Variants in CDC27 observed in about 807,000 individuals in gnomAD.
The protein encoded by CDC27 is cell division cycle protein 27 homolog.
A neutral mutation model predicts 109.7 loss-of-function variants in CDC27; 27 were observed. The ratio of observed to expected loss-of-function variants is 0.25; its 90% CI spans 0.18 to 0.34. The LOEUF (loss-of-function observed/expected upper bound fraction) is 0.34, where lower values mean the gene tolerates loss of function less well. CDC27 is among the 10% of genes least tolerant of loss of function. CDC27 has a pLI of 1.00. For synonymous variants in CDC27, 266 were observed against 333.9 expected (o/e 0.80, Z 2.22); for missense variants, 579 against 960.2 (o/e 0.60, Z 5.25).
chr17:47,163,929 G>A (rs1312815808), intron 4 of CDC27, among the ~76,000 whole-genome samples: 1 of 152,054 alleles, frequency 6.6e-6, no homozygotes, highest in African/African-American at 2.4e-5. Context: ...ACGCCCAGCT[G>A]ATTTTTGTAT....
rs1004450551 is a variant in CDC27 at position 47,172,698 on chromosome 17, T to C, written c.104-634A>G. 5.3e-5 allele frequency among the ~76,000 whole-genome samples: 8 copies of C among 152,284 alleles called. No homozygotes were observed. In the South Asian group the frequency reaches 8.3e-4, roughly 16 times the overall value. On this transcript the variant is annotated intron_variant, in intron 2 of 18. Transcript: ENST00000066544. ...AGTTATCTATCAATCTGTCCCTCCT[T>C]TTTACATTAGGAAATGCCCCCTGCC...
At chr17:47,144,278 A>G (rs1245808074) in intron 9 of CDC27, among the ~76,000 whole-genome samples, 2 of 152,192 alleles carry the variant, frequency 1.3e-5, no homozygotes, top group Admixed American at 1.3e-4. Flanking sequence ...AAATAAAAAT[A>G]AAATGACTCG....
In CDC27 at chr17:47,175,820, G is replaced by C. The variant is rs562685760; in HGVS notation, c.104-3756C>G. ...AACAGAGCGAGACTCTGTCTCAAAA[G>C]AAAAAAAATAAAACAAATCGATTAT... On this transcript the variant is annotated intron_variant, in intron 2 of 18. Coordinates refer to ENST00000066544, the MANE Select transcript of CDC27 (RefSeq NM_001256.6). 7.9e-5 allele frequency among the ~76,000 whole-genome samples: 12 copies of C among 151,520 alleles called. No individual in the cohort carries two copies. In the South Asian group the frequency reaches 2.5e-3, roughly 32 times the overall value.
In CDC27 at chr17:47,181,647, G is replaced by A; in HGVS notation, c.28-10C>T. 1.3e-6 allele frequency: 2 copies of A among 1,564,630 alleles called. No individual in the cohort carries two copies. Among genetic ancestry groups the A allele is most frequent in the Middle Eastern group, 1.7e-4 (1 of 5,776 alleles). On this transcript the variant is annotated splice_polypyrimidine_tract_variant and intron_variant, in intron 1 of 18. Coordinates refer to ENST00000066544, the MANE Select transcript of CDC27 (RefSeq NM_001256.6). ...CTTGCCATATAGCAGCCTGCAAATG[G>A]AGGAAAAAGAACATAAATATACATA...
At chr17:47,137,103 T>C (rs1262412407) in intron 14 of CDC27, 49 bp downstream of exon 14, 1 of 1,154,588 alleles carries the variant, frequency 8.7e-7, no homozygotes, top group Non-Finnish European at 1.2e-6. Context: ...AATTAGTAAG[T>C]ACCAGCACCA....
At chr17:47,159,238 T>C (rs1400386041) in intron 4 of CDC27, 6 of 510,930 alleles carry the variant, frequency 1.2e-5, no homozygotes, top group Non-Finnish European at 6.8e-6. Flanking sequence ...ACGGAGACTC[T>C]AGTGTGGGTC....
At chr17:47,148,198 C>CA (rs745397103) in intron 9 of CDC27, among the ~76,000 whole-genome samples, 1,956 of 88,884 alleles carry the variant, frequency 0.022, 30 homozygotes, top group African/African-American at 0.063. Flanking sequence ...GACTCTATCT[C>CA]AAAAAAAAAA....
At chr17:47,176,943 C>G (rs543751559) in intron 2 of CDC27, among the ~76,000 whole-genome samples, 1 of 152,050 alleles carries the variant, frequency 6.6e-6, no homozygotes, top group South Asian at 2.1e-4. Context: ...GCCATTTGTA[C>G]GCATATATTT....
Position 47,119,819 on chromosome 17 carries a change from C to T in CDC27, c.*1116G>A, listed in dbSNP as rs754489921. On this transcript the variant is annotated 3_prime_UTR_variant, in exon 19 of 19. Transcript: ENST00000066544. Reference sequence around the variant, plus strand: ...TTTCCCCCAAGCTAAAAATTTCCAACATCCTAAACCCAATTACTCTTAGTA... The same window carrying T: ...TTTCCCCCAAGCTAAAAATTTCCAATATCCTAAACCCAATTACTCTTAGTA... 1.3e-5 allele frequency: 2 copies of T among 152,158 alleles called. No homozygotes were observed. The highest frequency in any genetic ancestry group is 2.9e-5 in the Non-Finnish European group (2 of 68,030). The allele number at this position is 152,158 out of a possible 1,614,324, so 9.4% of individuals were successfully genotyped here.
rs1437502988 is a variant in CDC27, at chr17:47,133,034, C to T, written c.1914-660G>A. 5.9e-3 allele frequency among the ~76,000 whole-genome samples: 337 copies of T among 56,866 alleles called. 2 individuals carry two copies. Among genetic ancestry groups the T allele is most frequent in the Non-Finnish European group, 8.7e-3 (242 of 27,700 alleles). 37.3% of individuals were successfully genotyped at this position (56,866 alleles called of 152,430 possible). ...ATATATATATATATATATATACACA[C>T]ACACACACACACACACACACATACA... On this transcript the variant is annotated intron_variant, in intron 14 of 18. Transcript: ENST00000066544.
chr17:47,158,766 G>A (rs538886230), intron 4 of CDC27, among the ~76,000 whole-genome samples: 3 of 152,080 alleles, frequency 2.0e-5, no homozygotes, highest in South Asian at 2.1e-4. Context: ...CTATAGGTGC[G>A]CACCACCATA....
chr17:47,133,107 ATATAT>A (rs2062437489), intron 14 of CDC27, among the ~76,000 whole-genome samples: 2 of 212 alleles, frequency 9.4e-3, no homozygotes, highest in Non-Finnish European at 8.5e-3. Flanking sequence ...ACAAATATAC[ATATAT>A]ATATATATAT....
At chr17:47,128,320 T>A (rs187695107) in intron 16 of CDC27, among the ~76,000 whole-genome samples, 2 of 152,286 alleles carry the variant, frequency 1.3e-5, no homozygotes, top group East Asian at 3.9e-4. Flanking sequence ...TGTGAGCCAC[T>A]GCGCCCAGCC....
chr17:47,155,643 A>G (rs1185130235), intron 7 of CDC27, among the ~76,000 whole-genome samples: 1 of 152,138 alleles, frequency 6.6e-6, no homozygotes, highest in Non-Finnish European at 1.5e-5. Flanking sequence ...AATAATTTTG[A>G]TAAAATATTT....
At position 47,169,374 on chromosome 17, in the gene CDC27, G is replaced by A. The variant is rs547238999; in HGVS notation, c.377+543C>T. Among the ~76,000 whole-genome samples the A allele has an allele frequency of 3.4e-4, 51 of 152,118 alleles. 1 individual carries two copies. The South Asian group carries it at 0.01, about 30-fold the overall frequency. On this transcript the variant is annotated intron_variant, in intron 4 of 18. Transcript: ENST00000066544. The stretch of plus-strand genomic sequence containing the variant: ...AATAAACTAACATGGGGCCGGGTAC[G>A]GTGGCTCACACCTGTAATCCCAGCA...
chr17:47,157,392 G>GAAA lies in CDC27; in HGVS notation c.476-9_476-8insTTT. 4 of 1,417,248 alleles carry GAAA rather than the reference G, an allele frequency of 2.8e-6. No homozygotes were observed. Among genetic ancestry groups the GAAA allele is most frequent in the Admixed American group, 5.4e-5 (2 of 36,948 alleles). 87.8% of individuals were successfully genotyped at this position (1,417,248 alleles called of 1,614,324 possible). On this transcript the variant is annotated splice_polypyrimidine_tract_variant and intron_variant, in intron 5 of 18. Coordinates refer to ENST00000066544, the MANE Select transcript of CDC27 (RefSeq NM_001256.6). ...CAGGATCTGGCTTTTCACCTGTGAA[G>GAAA]ACAAAAAAAAAAAAAGTTTGTCTCT...
At chr17:47,174,315 G>T (rs2063914213) in intron 2 of CDC27, among the ~76,000 whole-genome samples, 1 of 152,168 alleles carries the variant, frequency 6.6e-6, no homozygotes, top group African/African-American at 2.4e-5. Context: ...ATTTCATCTA[G>T]AACAGTAACT....
chr17:47,123,970 G>A lies in CDC27; in HGVS notation c.2161-10C>T. The A allele has an allele frequency of 1.3e-6, 2 of 1,571,608 alleles. No individual in the cohort carries two copies. The highest frequency in any genetic ancestry group is 1.7e-6 in the Non-Finnish European group (2 of 1,166,216). On this transcript the variant is annotated splice_polypyrimidine_tract_variant and intron_variant, in intron 16 of 18. Coordinates refer to ENST00000066544, the MANE Select transcript of CDC27 (RefSeq NM_001256.6). ...GTTCTTGTAAAGCAGACTGAAAAAG[G>A]CAAAGAAAAACCTTAAAGTAGCAAA...
chr17:47,128,620 T>C (rs2062222690), intron 16 of CDC27, among the ~76,000 whole-genome samples: 1 of 152,176 alleles, frequency 6.6e-6, no homozygotes, highest in South Asian at 2.1e-4. Flanking sequence ...TCTGTTTTCC[T>C]AGAGAGTACT....
Sources: allele counts gnomAD v4.1 joint callset (sites outside exome capture counted in the v4.1 genomes callset), GRCh38; gene constraint gnomAD v4.1.1; transcripts MANE v1.5; gene names NCBI Gene and HGNC (gene_info 2026-07-23, HGNC 2026-07-21).